Variants in RBFOX2 observed in about 807,000 individuals in gnomAD.
RBFOX2 encodes the protein RNA binding protein fox-1 homolog 2.
A neutral mutation model predicts 49.1 loss-of-function variants in RBFOX2; 10 were observed. That is an observed-to-expected ratio of 0.20 (90% CI 0.13 to 0.35). The LOEUF (loss-of-function observed/expected upper bound fraction) is 0.35. RBFOX2 is among the 10% of genes least tolerant of loss of function. The probability of loss-of-function intolerance (pLI) is 1.00; values close to 1 mark genes in which losing one functional copy is unlikely to be tolerated. For synonymous variants in RBFOX2, 183 were observed against 187.4 expected (o/e 0.98, Z 0.19); for missense variants, 323 against 486.9 (o/e 0.66, Z 3.17).
chr22:35,838,264 CTT>C (rs527350781), intron 1 of RBFOX2, among the ~76,000 whole-genome samples: 3 of 142,584 alleles, frequency 2.1e-5, no homozygotes, highest in Admixed American at 7.0e-5. Flanking sequence ...TATTTCTTTT[CTT>C]TTTTTTTTTT....
At chr22:35,862,911 C>T (rs1046161936) in intron 1 of RBFOX2, among the ~76,000 whole-genome samples, 9 of 152,118 alleles carry the variant, frequency 5.9e-5, no homozygotes, top group East Asian at 1.9e-4. Context: ...TTGATGTTAT[C>T]GGCGTCATTG....
At chr22:35,814,236 G>A (rs1416410303) in intron 1 of RBFOX2, among the ~76,000 whole-genome samples, 1 of 151,730 alleles carries the variant, frequency 6.6e-6, no homozygotes, top group African/African-American at 2.4e-5. Context: ...CCCAGCCCCC[G>A]CCCACCACAG....
At chr22:36,007,372 A>C (rs1216302291) in intron 1 of RBFOX2, among the ~76,000 whole-genome samples, 1 of 152,114 alleles carries the variant, frequency 6.6e-6, no homozygotes, top group Non-Finnish European at 1.5e-5. Flanking sequence ...ACCATGCGCC[A>C]CCACACAAGT....
At chr22:35,939,343 C>G (rs1242175266), upstream of RBFOX2, 1 of 410,300 alleles carries the variant, frequency 2.4e-6, no homozygotes, top group Non-Finnish European at 4.9e-6. Flanking sequence ...GGACAAGTAC[C>G]AACCCTGCTG....
chr22:35,903,098 C>A (rs2048766432), intron 1 of RBFOX2, among the ~76,000 whole-genome samples: 1 of 152,150 alleles, frequency 6.6e-6, no homozygotes, highest in Non-Finnish European at 1.5e-5. Flanking sequence ...TCATCTCCCT[C>A]CAGCTACCTG....
chr22:35,763,204 AATATTTTAAAAAATAACCT>A (rs1939608454), intron 6 of RBFOX2, among the ~76,000 whole-genome samples: 1 of 152,220 alleles, frequency 6.6e-6, no homozygotes, highest in African/African-American at 2.4e-5. Context: ...AATTTAGAAT[AATATTTTAAAAAATAACCT>A]TTTTCTTTCC....
exon 12 of RBFOX2, chr22:35,743,935 T>A: frequency 2.7e-6 from 1 of 368,304 alleles, no homozygotes; most frequent in Non-Finnish European, 4.8e-6. Context: ...GCATTATTTT[T>A]TTTTTTTTTA....
At chr22:35,754,905 GTTATTAAA>G (rs968100626) in intron 9 of RBFOX2, among the ~76,000 whole-genome samples, 1 of 152,144 alleles carries the variant, frequency 6.6e-6, no homozygotes, top group Non-Finnish European at 1.5e-5. Context: ...CCTTCAAGTA[GTTATTAAA>G]TTAAGGCATA....
chr22:35,880,325 G>A (rs1490820154), intron 1 of RBFOX2, among the ~76,000 whole-genome samples: 1 of 152,166 alleles, frequency 6.6e-6, no homozygotes, highest in Admixed American at 6.5e-5. Flanking sequence ...CTGAGAAGAA[G>A]AAAACTGTGG....
At chr22:35,777,067 A>G (rs1944105384) in intron 4 of RBFOX2, among the ~76,000 whole-genome samples, 1 of 150,764 alleles carries the variant, frequency 6.6e-6, no homozygotes, top group African/African-American at 2.4e-5. Context: ...GCTGGAGTGC[A>G]GTGGCGCAAT....
chr22:35,816,710 T>C (rs1384860297), intron 1 of RBFOX2, among the ~76,000 whole-genome samples: 1 of 152,184 alleles, frequency 6.6e-6, no homozygotes, highest in Non-Finnish European at 1.5e-5. Context: ...ATTCAATGAT[T>C]ATATAATAAG....
At chr22:35,901,514 CAGAG>C (rs1387799272) in intron 1 of RBFOX2, among the ~76,000 whole-genome samples, 24 of 151,980 alleles carry the variant, frequency 1.6e-4, no homozygotes, top group African/African-American at 5.6e-4. Flanking sequence ...CAACAAACGA[CAGAG>C]ATAGGGTTTG....
intron 2 of RBFOX2, among the ~76,000 whole-genome samples, chr22:35,794,370 C>T (rs752133502): frequency 6.6e-6 from 1 of 152,074 alleles, no homozygotes; most frequent in African/African-American, 2.4e-5. Flanking sequence ...TTTAAAAATG[C>T]TTTTTAGGCC....
chr22:35,800,558 G>C (rs1160305710), intron 2 of RBFOX2, among the ~76,000 whole-genome samples: 4 of 152,108 alleles, frequency 2.6e-5, no homozygotes, highest in Admixed American at 2.6e-4. Context: ...ATTGAGAACT[G>C]ACGTTCTTAA....
In RBFOX2 at chr22:35,798,147, G is replaced by C. The variant is rs189301164; in HGVS notation, c.252+11633C>G. Among the ~76,000 whole-genome samples, 491 of 152,150 alleles carry C rather than the reference G, an allele frequency of 3.2e-3. 4 individuals carry two copies. Among genetic ancestry groups the C allele is most frequent in the African/African-American group, 9.1e-3 (378 of 41,536 alleles). On this transcript the variant is annotated intron_variant, in intron 2 of 11. Transcript: ENST00000405409. Reference sequence around the variant, plus strand: ...TGCACCACCACGCCTGGCTAATTTTGTATTTTTAGTAGAGGCAGGGTTTCA... The same window carrying C: ...TGCACCACCACGCCTGGCTAATTTTCTATTTTTAGTAGAGGCAGGGTTTCA...
chr22:35,805,289 CAAAAAAAA>C (rs748086413), intron 2 of RBFOX2, among the ~76,000 whole-genome samples: 2 of 37,916 alleles, frequency 5.3e-5, no homozygotes, highest in Non-Finnish European at 1.2e-4. Flanking sequence ...GACTCCGTCT[CAAAAAAAA>C]AAAAAAAAAA....
At chr22:35,817,312 T>C (rs1953316041) in intron 1 of RBFOX2, among the ~76,000 whole-genome samples, 1 of 151,914 alleles carries the variant, frequency 6.6e-6, no homozygotes, top group Non-Finnish European at 1.5e-5. Context: ...ACTCCATCTC[T>C]ACTAAAAATA....
At chr22:36,008,673 C>T (rs1326998689) in intron 1 of RBFOX2, among the ~76,000 whole-genome samples, 1 of 151,992 alleles carries the variant, frequency 6.6e-6, no homozygotes, top group East Asian at 1.9e-4. Flanking sequence ...AAAAAATTAA[C>T]TGGGCGTGGT....
At chr22:35,933,500 A>G (rs1360549486) in intron 1 of RBFOX2, among the ~76,000 whole-genome samples, 1 of 152,204 alleles carries the variant, frequency 6.6e-6, no homozygotes, top group East Asian at 1.9e-4. Flanking sequence ...TTACTTGGTT[A>G]GGCCACCCCA....
Sources: allele counts gnomAD v4.1 joint callset (sites outside exome capture counted in the v4.1 genomes callset), GRCh38; gene constraint gnomAD v4.1.1; transcripts MANE v1.5; gene names NCBI Gene and HGNC (gene_info 2026-07-23, HGNC 2026-07-21).